ETV6: variants seen among roughly 807,000 people sequenced by gnomAD.
The protein encoded by ETV6 is ETS variant transcription factor 6.
Under a neutral mutation model 51.1 loss-of-function variants are expected in ETV6, and 16 were observed. The observed-to-expected ratio is 0.31, with a 90% confidence interval of 0.21 to 0.48. The LOEUF is 0.48. ETV6 is among the 20% of genes least tolerant of loss of function. ETV6 has a pLI of 0.99. For synonymous variants in ETV6, 240 were observed against 224.1 expected (o/e 1.07, Z -0.64); for missense variants, 458 against 594.8 (o/e 0.77, Z 2.39).
chr12:11,885,266 G>T (rs968585042), intron 6 of ETV6, among the ~76,000 whole-genome samples: 2 of 152,200 alleles, frequency 1.3e-5, no homozygotes, highest in Admixed American at 1.3e-4. Context: ...AAGGCAGGGA[G>T]GCCCAGCCAG....
intron 1 of ETV6, among the ~76,000 whole-genome samples, chr12:11,694,448 A>C (rs1565489027): frequency 6.6e-6 from 1 of 152,212 alleles, no homozygotes; most frequent in Non-Finnish European, 1.5e-5. Context: ...AAGTCAGTCC[A>C]ATGGCCATGT....
In ETV6 at chr12:11,650,490, AAAAAACAAAAAAC is replaced by A. The variant is rs1421859002; in HGVS notation, c.33+336_33+348del. 5.8e-4 allele frequency among the ~76,000 whole-genome samples: 37 copies of A among 63,400 alleles called. 2 individuals carry two copies. The highest frequency in any genetic ancestry group is 2.4e-3 in the Admixed American group (13 of 5,488). The allele number at this position is 63,400 out of a possible 152,430, so 41.6% of individuals were successfully genotyped here. A position where few individuals can be genotyped will look rare whatever the true frequency, so the allele number is the denominator to read the frequency against. ...CCGTAATTAGTGCGCTTAAAAAAAA[AAAAAACAAAAAAC>A]AAAAAAAAAAAACCTGCTCCCTATT... On this transcript the variant is annotated intron_variant, in intron 1 of 7. Transcript: ENST00000396373.
intron 1 of ETV6, among the ~76,000 whole-genome samples, chr12:11,734,245 T>C (rs1443697328): frequency 2.0e-5 from 3 of 152,214 alleles, no homozygotes; most frequent in Non-Finnish European, 2.9e-5. Context: ...TTTTATCATA[T>C]AGTCCCCTAT....
At chr12:11,797,505 G>A (rs59741146) in intron 2 of ETV6, among the ~76,000 whole-genome samples, 4,111 of 152,286 alleles carry the variant, frequency 0.027, 185 homozygotes, top group African/African-American at 0.093. Context: ...CTGTTATTGA[G>A]AAGGACTGGA....
intron 1 of ETV6, among the ~76,000 whole-genome samples, chr12:11,661,675 C>T (rs1056256312): frequency 1.3e-5 from 2 of 152,260 alleles, no homozygotes; most frequent in African/African-American, 2.4e-5. Context: ...TCCTTCCCTT[C>T]ATCTGCTGAC....
At chr12:11,744,640 A>T (rs1485239090) in intron 1 of ETV6, among the ~76,000 whole-genome samples, 1 of 152,206 alleles carries the variant, frequency 6.6e-6, no homozygotes, top group African/African-American at 2.4e-5. Context: ...TGCTGAGCTC[A>T]TCTAATCTCT....
chr12:11,853,148 C>T (rs1023850535), intron 3 of ETV6, among the ~76,000 whole-genome samples: 1 of 152,242 alleles, frequency 6.6e-6, no homozygotes, highest in African/African-American at 2.4e-5. Flanking sequence ...GATCGTGCCT[C>T]TGCACTTCAG....
At chr12:11,774,106 G>A (rs1945282413) in intron 2 of ETV6, among the ~76,000 whole-genome samples, 2 of 152,100 alleles carry the variant, frequency 1.3e-5, no homozygotes, top group African/African-American at 4.8e-5. Context: ...CCATGGAAGA[G>A]GAAGTTGGCA....
chr12:11,727,091 T>A (rs933895379), intron 1 of ETV6, among the ~76,000 whole-genome samples: 52 of 152,156 alleles, frequency 3.4e-4, no homozygotes, highest in African/African-American at 1.3e-3. Flanking sequence ...GAAGAGACAT[T>A]GTCTGTATTG....
chr12:11,875,793 C>T (rs927982957), intron 5 of ETV6, among the ~76,000 whole-genome samples: 1 of 152,154 alleles, frequency 6.6e-6, no homozygotes, highest in Non-Finnish European at 1.5e-5. Context: ...CAAATCCAGC[C>T]ACCATGCGTT....
In ETV6 at chr12:11,709,769, C is replaced by T. The variant is rs148582633; in HGVS notation, c.34-42681C>T. On this transcript the variant is annotated intron_variant, in intron 1 of 7. Coordinates refer to ENST00000396373, the MANE Select transcript of ETV6 (RefSeq NM_001987.5). ...AATCAGTTGAAGGCCTGAATAGAAC[C>T]GAAGAGGGAATGCCACAGCAGATGG... is the stretch of plus-strand genomic sequence containing the variant. Among the ~76,000 whole-genome samples the T allele has an allele frequency of 4.9e-4, 74 of 152,306 alleles. 1 individual carries two copies. The East Asian group carries it at 0.014, about 28-fold the overall frequency.
At chr12:11,874,241 G>T (rs61921360) in intron 5 of ETV6, among the ~76,000 whole-genome samples, 128,590 of 143,820 alleles carry the variant, frequency 0.89, 57,932 homozygotes, top group East Asian at 1. Context: ...GTCGGGCATG[G>T]TGGTGCACAC....
intron 2 of ETV6, among the ~76,000 whole-genome samples, chr12:11,775,060 TTC>T (rs1945299935): frequency 1.3e-5 from 2 of 152,356 alleles, no homozygotes; most frequent in South Asian, 4.1e-4. Context: ...GTATTTGTAA[TTC>T]TCTGTCTCTG....
At position 11,872,789 on chromosome 12, in the gene ETV6, C is replaced by T. The variant is rs114150269; in HGVS notation, c.1009+2820C>T. ...GGGATTACAGGCATGAACCACTGCA[C>T]CCAGCCTATACTACTATTTTTTTCA... On this transcript the variant is annotated intron_variant, in intron 5 of 7. Transcript: ENST00000396373. Among the ~76,000 whole-genome samples the T allele has an allele frequency of 4.2e-3, 641 of 152,272 alleles. 8 individuals carry two copies. Among genetic ancestry groups the T allele is most frequent in the African/African-American group, 0.015 (619 of 41,552 alleles).
intron 2 of ETV6, among the ~76,000 whole-genome samples, chr12:11,793,440 A>G (rs1945633765): frequency 6.6e-6 from 1 of 152,198 alleles, no homozygotes; most frequent in Non-Finnish European, 1.5e-5. Context: ...GTTATAGAAG[A>G]TGTTTTAGTT....
chr12:11,870,158 G>A (rs970602048), intron 5 of ETV6, among the ~76,000 whole-genome samples, 189 bp downstream of exon 5: 4 of 152,058 alleles, frequency 2.6e-5, no homozygotes, highest in African/African-American at 9.7e-5. Flanking sequence ...GAGCCGCTGG[G>A]ATGGAGTAGT....
rs80146708 is a variant in ETV6, at chr12:11,700,033, T to A, written c.33+49873T>A. ...TGCTGTAGTTATTTGTGTATCTGTGTCATTCTCCCTAGGATGCCCTGGGCC... is the reference window on the plus strand; with the variant it reads ...TGCTGTAGTTATTTGTGTATCTGTGACATTCTCCCTAGGATGCCCTGGGCC... On this transcript the variant is annotated intron_variant, in intron 1 of 7. Transcript: ENST00000396373. Among the ~76,000 whole-genome samples the A allele has an allele frequency of 1.1e-3, 168 of 152,298 alleles. 1 individual carries two copies. The highest frequency in any genetic ancestry group is 3.9e-3 in the Admixed American group (60 of 15,304).
At chr12:11,846,832 CAAGT>C (rs1486536048) in intron 3 of ETV6, among the ~76,000 whole-genome samples, 2 of 152,170 alleles carry the variant, frequency 1.3e-5, no homozygotes, top group Non-Finnish European at 2.9e-5. Flanking sequence ...TGTTTGAAGA[CAAGT>C]AGAAGCCATT....
At chr12:11,685,070 G>T (rs771649258) in intron 1 of ETV6, among the ~76,000 whole-genome samples, 1 of 152,184 alleles carries the variant, frequency 6.6e-6, no homozygotes, top group Non-Finnish European at 1.5e-5. Context: ...TGGCCCAGGG[G>T]ACAGTGTCCT....
Sources: allele counts gnomAD v4.1 joint callset (sites outside exome capture counted in the v4.1 genomes callset), GRCh38; gene constraint gnomAD v4.1.1; transcripts MANE v1.5; gene names NCBI Gene and HGNC (gene_info 2026-07-23, HGNC 2026-07-21).